The following PTPRJ variants were observed in gnomAD, a reference collection of about 807,000 sequenced individuals.
PTPRJ encodes receptor-type tyrosine-protein phosphatase eta.
Under a neutral mutation model 141.3 loss-of-function variants are expected in PTPRJ, and 129 were observed. That is an observed-to-expected ratio of 0.91 (90% CI 0.79 to 1.06). The LOEUF is 1.06. PTPRJ is among the 50% of genes least tolerant of loss of function. The pLI is 0.00. For missense variants in PTPRJ, 1,601 were observed against 1,679.7 expected (o/e 0.95, Z 0.82); for synonymous variants, 610 against 640.5 (o/e 0.95, Z 0.72).
intron 1 of PTPRJ, among the ~76,000 whole-genome samples, chr11:48,103,596 A>G (rs1466656632): frequency 2.6e-5 from 4 of 152,268 alleles, no homozygotes; most frequent in Non-Finnish European, 5.9e-5. Context: ...ATTTGATTAT[A>G]CATCAATTAT....
At chr11:48,040,609 C>CTTTTTTTTTTT (rs371103069) in intron 1 of PTPRJ, among the ~76,000 whole-genome samples, 1 of 146,042 alleles carries the variant, frequency 6.8e-6, no homozygotes, top group African/African-American at 2.7e-5. Context: ...TCTTCTTCTT[C>CTTTTTTTTTTT]TTCTTTTTTT....
At chr11:48,007,276 ATTTT>A (rs36058449) in intron 1 of PTPRJ, among the ~76,000 whole-genome samples, 1 of 137,786 alleles carries the variant, frequency 7.3e-6, no homozygotes, top group Non-Finnish European at 1.6e-5. Context: ...AATTTTTTGT[ATTTT>A]TTTTTTTTTT....
chr11:48,161,510 C>A (rs1757614264), intron 22 of PTPRJ, among the ~76,000 whole-genome samples: 1 of 152,186 alleles, frequency 6.6e-6, no homozygotes, highest in Non-Finnish European at 1.5e-5. Flanking sequence ...ATTTCAGTTC[C>A]TCCTCTGGAG....
chr11:48,141,942 T>TG (rs1341149489), intron 11 of PTPRJ, among the ~76,000 whole-genome samples: 1 of 151,970 alleles, frequency 6.6e-6, no homozygotes, highest in Non-Finnish European at 1.5e-5. Flanking sequence ...CAATGTGTTT[T>TG]TTTTTTTTTT....
rs1022410927 is a variant in PTPRJ at position 48,170,792 on chromosome 11, AT to A, written c.*3437del. 1 of 150,122 alleles carries A rather than the reference AT, an allele frequency of 6.7e-6. No individual in the cohort carries two copies. Among genetic ancestry groups the A allele is most frequent in the African/African-American group, 2.5e-5 (1 of 40,778 alleles). 9.3% of individuals were successfully genotyped at this position (150,122 alleles called of 1,614,324 possible). ...TTTAAGGAAAAAATGGCCTGAAAAC[AT>A]TTTTTTAAAGACTTACAAATACCAA... On this transcript the variant is annotated 3_prime_UTR_variant, in exon 25 of 25. Transcript: ENST00000418331.
chr11:48,147,020 G>T (rs1857369378), intron 15 of PTPRJ, 57 bp downstream of exon 15: 3 of 1,462,724 alleles, frequency 2.1e-6, no homozygotes, highest in Non-Finnish European at 2.9e-6. Flanking sequence ...TTTCTATTAA[G>T]GAACATTTCA....
intron 1 of PTPRJ, among the ~76,000 whole-genome samples, chr11:48,049,043 G>C (rs1023641951): frequency 6.6e-6 from 1 of 152,234 alleles, no homozygotes; most frequent in African/African-American, 2.4e-5. Flanking sequence ...GAGCAGGGTG[G>C]TTCTAAAGCT....
At position 48,139,534 on chromosome 11, in the gene PTPRJ, CA is replaced by C. The variant is rs753480603; in HGVS notation, c.2202del (p.Ala735ProfsTer49). The C allele has an allele frequency of 6.2e-7, 1 of 1,614,232 alleles. No homozygotes were observed. Among genetic ancestry groups the C allele is most frequent in the Non-Finnish European group, 8.5e-7 (1 of 1,180,034 alleles). ...GACTGCGAAGTGGTCCCCAAAGAGC[CA>C]GCCCTGGTTCTCAAATGGACCTGCC... ...SFDCEVVPKE[P>X]ALVLKWTCPP... On this transcript the variant is annotated frameshift_variant, in exon 11 of 25. Coordinates refer to ENST00000418331, the MANE Select transcript of PTPRJ (RefSeq NM_002843.4). LOFTEE classifies it high-confidence loss of function.
At chr11:48,015,512 G>C (rs1200195857) in intron 1 of PTPRJ, among the ~76,000 whole-genome samples, 1 of 152,002 alleles carries the variant, frequency 6.6e-6, no homozygotes, top group East Asian at 1.9e-4. Context: ...TTATTCTTTT[G>C]TGTTATTTGT....
intron 2 of PTPRJ, among the ~76,000 whole-genome samples, chr11:48,112,323 G>T (rs1856461364): frequency 6.6e-6 from 1 of 152,218 alleles, no homozygotes; most frequent in Non-Finnish European, 1.5e-5. Flanking sequence ...CCAGGAGTAT[G>T]ATGAAGGGAA....
intron 1 of PTPRJ, among the ~76,000 whole-genome samples, chr11:48,063,326 T>A (rs1854990708): frequency 6.6e-6 from 1 of 152,112 alleles, no homozygotes; most frequent in African/African-American, 2.4e-5. Flanking sequence ...AGACTCCATC[T>A]CAAAAACAAC....
chr11:48,062,016 C>G (rs1235709445), intron 1 of PTPRJ, among the ~76,000 whole-genome samples: 2 of 151,576 alleles, frequency 1.3e-5, no homozygotes, highest in Admixed American at 6.6e-5. Flanking sequence ...ACGATCCCCC[C>G]ACCTCAGCCT....
chr11:48,102,647 A>T (rs1203849459), intron 1 of PTPRJ, among the ~76,000 whole-genome samples: 1 of 151,644 alleles, frequency 6.6e-6, no homozygotes, highest in Non-Finnish European at 1.5e-5. Flanking sequence ...ACTCCCTTGA[A>T]CTCAGGTGAT....
intron 1 of PTPRJ, among the ~76,000 whole-genome samples, chr11:48,086,185 A>T (rs539653698): frequency 0.011 from 1,590 of 150,870 alleles, 14 homozygotes; most frequent in Non-Finnish European, 0.014. Flanking sequence ...TTTAAAAAAA[A>T]TTTTTTTTTT....
At chr11:48,149,406 A>G (rs1367839706) in intron 15 of PTPRJ, 41 bp from the exon 16 acceptor site, 1 of 1,339,376 alleles carries the variant, frequency 7.5e-7, no homozygotes, top group Admixed American at 1.9e-5. Context: ...CACAGGAAGG[A>G]ATCCTTTTTT....
intron 1 of PTPRJ, among the ~76,000 whole-genome samples, chr11:48,045,079 T>G (rs187993698): frequency 6.6e-6 from 1 of 152,318 alleles, no homozygotes; most frequent in Non-Finnish European, 1.5e-5. Context: ...TTTTCCCCCG[T>G]AATTATGGGA....
chr11:48,003,196 A>G (rs1854542316), intron 1 of PTPRJ, among the ~76,000 whole-genome samples: 1 of 152,218 alleles, frequency 6.6e-6, no homozygotes, highest in Non-Finnish European at 1.5e-5. Flanking sequence ...AAATGGATGT[A>G]CTATAATTCA....
rs939119070 is a variant in PTPRJ, at chr11:47,980,588, C to T, written c.-325C>T. The T allele has an allele frequency of 2.8e-4, 271 of 982,922 alleles. No homozygotes were observed. Among genetic ancestry groups the T allele is most frequent in the Non-Finnish European group, 3.2e-4 (263 of 829,076 alleles). 60.9% of individuals were successfully genotyped at this position (982,922 alleles called of 1,614,324 possible). ...CCAGCCGCATGACGCGCGGAGGAGGCAGCGGGAGCAGCCGCGGGAGCCGGG... is the reference window on the plus strand; with the variant it reads ...CCAGCCGCATGACGCGCGGAGGAGGTAGCGGGAGCAGCCGCGGGAGCCGGG... On this transcript the variant is annotated 5_prime_UTR_variant, in exon 1 of 25. Coordinates refer to ENST00000418331, the MANE Select transcript of PTPRJ (RefSeq NM_002843.4).
chr11:48,119,637 G>C (rs1305701136), intron 3 of PTPRJ, among the ~76,000 whole-genome samples: 1 of 152,150 alleles, frequency 6.6e-6, no homozygotes, highest in Non-Finnish European at 1.5e-5. Flanking sequence ...GACCTCAAGT[G>C]ATCTGATCTG....
Sources: allele counts gnomAD v4.1 joint callset (sites outside exome capture counted in the v4.1 genomes callset), GRCh38; gene constraint gnomAD v4.1.1; transcripts MANE v1.5; gene names NCBI Gene and HGNC (gene_info 2026-07-23, HGNC 2026-07-21).